The following SLC25A21 variants were observed in gnomAD, a reference collection of about 807,000 sequenced individuals.
SLC25A21 encodes mitochondrial 2-oxodicarboxylate carrier.
In SLC25A21, 47 loss-of-function variants were observed where a neutral mutation model predicts 43.8. The observed-to-expected ratio is 1.07, with a 90% CI of 0.85 to 1.37. The LOEUF (loss-of-function observed/expected upper bound fraction) is 1.37, where lower values mean the gene tolerates loss of function less well. Ranked by LOEUF, SLC25A21 falls within the 40% of genes most tolerant of loss-of-function variation. The pLI is 0.00. For synonymous variants in SLC25A21, 131 were observed against 121.3 expected, an observed-to-expected ratio of 1.08 and a Z score of -0.52; for missense variants, 352 against 350.2, an observed-to-expected ratio of 1.00 and a Z score of -0.04.
At chr14:36,852,815 G>A (rs758065226) in intron 2 of SLC25A21, among the ~76,000 whole-genome samples, 1 of 151,284 alleles carries the variant, frequency 6.6e-6, no homozygotes, top group African/African-American at 2.5e-5. Flanking sequence ...ACCATATTTA[G>A]GTTTAAATAT....
At chr14:37,032,326 G>A (rs1262091391) in intron 1 of SLC25A21, among the ~76,000 whole-genome samples, 1 of 152,026 alleles carries the variant, frequency 6.6e-6, no homozygotes, top group East Asian at 1.9e-4. Flanking sequence ...ACGAGGTCAC[G>A]AGATCGAGAC....
intron 3 of SLC25A21, among the ~76,000 whole-genome samples, chr14:36,766,957 G>A (rs539715135): frequency 7.2e-5 from 11 of 152,214 alleles, no homozygotes; most frequent in East Asian, 3.9e-4. Flanking sequence ...TATCTCCAAC[G>A]TGCCTAATAT....
At chr14:36,906,845 G>A (rs1379221346) in intron 1 of SLC25A21, among the ~76,000 whole-genome samples, 1 of 152,084 alleles carries the variant, frequency 6.6e-6, no homozygotes. Flanking sequence ...AAATGGCTGT[G>A]AGGGTCTGCA....
intron 3 of SLC25A21, among the ~76,000 whole-genome samples, chr14:36,795,845 C>T (rs1248780625): frequency 6.6e-6 from 1 of 152,146 alleles, no homozygotes; most frequent in Non-Finnish European, 1.5e-5. Context: ...TAAGCTGTGC[C>T]TGAAAAGTAA....
rs185508903 is a variant in SLC25A21 at position 37,121,859 on chromosome 14, C to T, written c.70+50422G>A. 2.3e-3 allele frequency among the ~76,000 whole-genome samples: 344 copies of T among 152,186 alleles called. 1 individual carries two copies. Among genetic ancestry groups the T allele is most frequent in the South Asian group, 0.014 (69 of 4,820 alleles). On this transcript the variant is annotated intron_variant, in intron 1 of 9. Transcript: ENST00000331299. ...AATGCCATGAGTGGGGAATTCACGC[C>T]GGAGAAACTCATCCCATCTCATCTT...
At chr14:36,837,135 C>G (rs1889235632) in intron 2 of SLC25A21, among the ~76,000 whole-genome samples, 1 of 152,010 alleles carries the variant, frequency 6.6e-6, no homozygotes. Context: ...TGGCTGGAGG[C>G]TGTGGTGGGA....
intron 1 of SLC25A21, among the ~76,000 whole-genome samples, chr14:37,096,822 C>T (rs980773249): frequency 1.3e-5 from 2 of 151,924 alleles, no homozygotes; most frequent in African/African-American, 4.8e-5. Flanking sequence ...TTTGAATTAC[C>T]CGTCTGAGAG....
At chr14:37,166,855 G>A (rs1225811933) in intron 1 of SLC25A21, among the ~76,000 whole-genome samples, 1 of 152,146 alleles carries the variant, frequency 6.6e-6, no homozygotes, top group East Asian at 1.9e-4. Context: ...GGAAATATTT[G>A]TATTTTATTT....
rs186017463 is a variant in SLC25A21 at position 36,906,465 on chromosome 14, G to A, written c.71-31461C>T. Among the ~76,000 whole-genome samples, 387 of 151,888 alleles carry A rather than the reference G, an allele frequency of 2.5e-3. 4 individuals are homozygous for A. Among genetic ancestry groups the A allele is most frequent in the Non-Finnish European group, 5.9e-4 (40 of 67,944 alleles). On this transcript the variant is annotated intron_variant, in intron 1 of 9. Transcript: ENST00000331299. ...AAGATGACTCTAATGCATGGATGAT[G>A]AAGCAACAGGTCTAGATTCTGGGAA...
intron 1 of SLC25A21, among the ~76,000 whole-genome samples, chr14:37,098,742 T>TAGAC (rs1962753017): frequency 1.2e-4 from 1 of 8,622 alleles, no homozygotes; most frequent in Admixed American, 2.3e-3. Flanking sequence ...GATAGATAGA[T>TAGAC]AGATAGACAG....
At chr14:36,724,668 A>G (rs1010254383) in intron 6 of SLC25A21, among the ~76,000 whole-genome samples, 6 of 152,218 alleles carry the variant, frequency 3.9e-5, no homozygotes, top group African/African-American at 1.4e-4. Context: ...AAGGAAGTGA[A>G]GGCAGCACAC....
At chr14:36,894,690 T>C (rs952493657) in intron 1 of SLC25A21, among the ~76,000 whole-genome samples, 1 of 152,184 alleles carries the variant, frequency 6.6e-6, no homozygotes, top group African/African-American at 2.4e-5. Flanking sequence ...CATAGATAGC[T>C]CCTATTATTT....
At position 36,680,185 on chromosome 14, in the gene SLC25A21, T is replaced by C. The variant is rs1882156964; in HGVS notation, c.*473A>G. ...TCTTGTGCTCTTTAAATATTATTTATGGAATAATTTAATTCATTATAAAAA... is the reference window on the plus strand; with the variant it reads ...TCTTGTGCTCTTTAAATATTATTTACGGAATAATTTAATTCATTATAAAAA... On this transcript the variant is annotated 3_prime_UTR_variant, in exon 10 of 10. Transcript: ENST00000331299. 1.2e-6 allele frequency: 1 copy of C among 831,872 alleles called. No individual in the cohort carries two copies. The highest frequency in any genetic ancestry group is 1.4e-6 in the Non-Finnish European group (1 of 690,802). The allele number at this position is 831,872 out of a possible 1,614,324, so 51.5% of individuals were successfully genotyped here.
chr14:36,740,644 A>G (rs1885216611), intron 3 of SLC25A21, among the ~76,000 whole-genome samples: 1 of 149,676 alleles, frequency 6.7e-6, no homozygotes, highest in Non-Finnish European at 1.5e-5. Flanking sequence ...CCATCTTAAA[A>G]GTGTGAAGCT....
chr14:37,155,479 G>A (rs1215150984), intron 1 of SLC25A21, among the ~76,000 whole-genome samples: 2 of 152,126 alleles, frequency 1.3e-5, no homozygotes, highest in East Asian at 3.9e-4. Flanking sequence ...AGTTTTCACA[G>A]CACATTATAA....
intron 1 of SLC25A21, among the ~76,000 whole-genome samples, chr14:37,158,949 C>G (rs1963894309): frequency 6.6e-6 from 1 of 151,806 alleles, no homozygotes; most frequent in South Asian, 2.1e-4. Context: ...AGTTATCTAG[C>G]CAAGAAAGAA....
At chr14:37,078,601 T>G (rs1370978599) in intron 1 of SLC25A21, among the ~76,000 whole-genome samples, 1 of 152,198 alleles carries the variant, frequency 6.6e-6, no homozygotes, top group Non-Finnish European at 1.5e-5. Context: ...GCCATTATTC[T>G]TAGTTTCTGC....
rs140465975 is a variant in SLC25A21, at chr14:36,886,252, A to G, written c.71-11248T>C. ...AAATATATTATACTCTCCCCTAATAATAGTTAAGGTGCACTACCTTTGTGG... is the reference window on the plus strand; with the variant it reads ...AAATATATTATACTCTCCCCTAATAGTAGTTAAGGTGCACTACCTTTGTGG... On this transcript the variant is annotated intron_variant, in intron 1 of 9. Transcript: ENST00000331299. Among the ~76,000 whole-genome samples the G allele has an allele frequency of 4.6e-3, 696 of 152,318 alleles. 1 individual carries two copies. Among genetic ancestry groups the G allele is most frequent in the Non-Finnish European group, 7.5e-3 (508 of 68,014 alleles).
intron 7 of SLC25A21, among the ~76,000 whole-genome samples, chr14:36,705,303 C>A (rs940456589): frequency 6.6e-6 from 1 of 152,074 alleles, no homozygotes; most frequent in Non-Finnish European, 1.5e-5. Context: ...CCTCAGCCTC[C>A]CAAAGTGCTG....
Sources: allele counts gnomAD v4.1 joint callset (sites outside exome capture counted in the v4.1 genomes callset), GRCh38; gene constraint gnomAD v4.1.1; transcripts MANE v1.5; gene names NCBI Gene and HGNC (gene_info 2026-07-23, HGNC 2026-07-21).